Variants in NCOR2 observed in about 807,000 individuals in gnomAD.
NCOR2 encodes the protein nuclear receptor corepressor 2, also known as CTG repeat protein 26.
NCOR2 carries 81 observed loss-of-function variants against 262.9 expected under a neutral mutation model. The observed-to-expected ratio is 0.31, with a 90% CI of 0.26 to 0.37. NCOR2 has a LOEUF of 0.37. Among genes scored for constraint, NCOR2 ranks in the 10% least tolerant of loss-of-function variants. The pLI is 1.00. For missense variants in NCOR2, 3,385 were observed against 3,621.4 expected (o/e 0.93, Z 1.68); for synonymous variants, 1,659 against 1,559.3 (o/e 1.06, Z -1.51).
At chr12:124,353,741 C>A (rs1377811815) in intron 27 of NCOR2, among the ~76,000 whole-genome samples, 2 of 152,264 alleles carry the variant, frequency 1.3e-5, no homozygotes, top group Non-Finnish European at 2.9e-5. Context: ...CTGGCCACAG[C>A]TGACATGTCA....
chr12:124,488,869 C>T (rs1276097884), intron 1 of NCOR2, among the ~76,000 whole-genome samples: 1 of 152,108 alleles, frequency 6.6e-6, no homozygotes, highest in Admixed American at 6.5e-5. Flanking sequence ...GTGGAGGAGG[C>T]CCGAAGTGGG....
chr12:124,472,330 A>G (rs1189083733), intron 4 of NCOR2, among the ~76,000 whole-genome samples: 1 of 152,214 alleles, frequency 6.6e-6, no homozygotes, highest in Admixed American at 6.5e-5. Flanking sequence ...AGTGACAATG[A>G]GGATTTATTT....
intron 11 of NCOR2, among the ~76,000 whole-genome samples, chr12:124,423,520 C>T (rs77514136): frequency 0.052 from 7,981 of 152,306 alleles, 372 homozygotes; most frequent in East Asian, 0.19. Context: ...CCGGTGGAAG[C>T]GGCGCAGTGA....
chr12:124,399,073 GTA>G (rs1458535997), intron 15 of NCOR2, among the ~76,000 whole-genome samples: 2 of 152,170 alleles, frequency 1.3e-5, no homozygotes, highest in African/African-American at 4.8e-5. Flanking sequence ...GCCAGGGGGA[GTA>G]TGTGTCCAAC....
intron 1 of NCOR2, among the ~76,000 whole-genome samples, chr12:124,553,558 A>G (rs1294625122): frequency 6.6e-6 from 1 of 152,202 alleles, no homozygotes; most frequent in Non-Finnish European, 1.5e-5. Context: ...CAGTGCCAGC[A>G]CCTGTACGTG....
exon 47 of NCOR2, chr12:124,325,458 C>T (rs1356203889): frequency 4.6e-6 from 6 of 1,293,174 alleles, no homozygotes; most frequent in South Asian, 3.7e-5. Context: ...TTGGGCTCCT[C>T]GTCCCAGGCG....
At chr12:124,553,775 C>T (rs1287999172) in intron 1 of NCOR2, among the ~76,000 whole-genome samples, 1 of 152,240 alleles carries the variant, frequency 6.6e-6, no homozygotes, top group African/African-American at 2.4e-5. Flanking sequence ...AATCCCCCCA[C>T]TGCTGAAACC....
At chr12:124,452,264 G>T (rs2045593464) in intron 6 of NCOR2, among the ~76,000 whole-genome samples, 1 of 152,224 alleles carries the variant, frequency 6.6e-6, no homozygotes, top group African/African-American at 2.4e-5. Context: ...AATGGCAAGG[G>T]GCCCTGTGAA....
intron 1 of NCOR2, among the ~76,000 whole-genome samples, chr12:124,505,423 G>T (rs2048991646): frequency 6.6e-6 from 1 of 151,628 alleles, no homozygotes; most frequent in South Asian, 2.1e-4. Context: ...ACCTGTAGGA[G>T]CAGGAGCTAT....
exon 25 of NCOR2, chr12:124,354,916 G>T (rs758093486): frequency 6.2e-7 from 1 of 1,613,048 alleles, no homozygotes; most frequent in South Asian, 1.1e-5. Flanking sequence ...CTGAGTACGG[G>T]ACGTGGAGCT....
Position 124,393,508 on chromosome 12 carries a change from G to A in NCOR2, c.1876+4611C>T, listed in dbSNP as rs962410481. 5.3e-5 allele frequency among the ~76,000 whole-genome samples: 8 copies of A among 152,286 alleles called. No individual in the cohort carries two copies. The East Asian group carries it at 1.2e-3, about 22-fold the overall frequency. On this transcript the variant is annotated intron_variant, in intron 16 of 46. Coordinates refer to ENST00000405201, the Ensembl canonical transcript of NCOR2. ...CCCATGCTGGCAAGGCCAGGCTCCCGGTGGCCCCTCTACCTTCTGGGATTC... is the reference window on the plus strand; with the variant it reads ...CCCATGCTGGCAAGGCCAGGCTCCCAGTGGCCCCTCTACCTTCTGGGATTC...
chr12:124,477,614 CTT>C (rs35961182), intron 3 of NCOR2, among the ~76,000 whole-genome samples: 1 of 152,216 alleles, frequency 6.6e-6, no homozygotes, highest in East Asian at 1.9e-4. Flanking sequence ...AATGTGGTTA[CTT>C]TTTTGTGAAC....
chr12:124,387,755 G>A (rs1189756137), intron 16 of NCOR2, among the ~76,000 whole-genome samples: 2 of 152,246 alleles, frequency 1.3e-5, no homozygotes, highest in African/African-American at 4.8e-5. Context: ...AGAACCTGGC[G>A]GACAGGGCCG....
intron 45 of NCOR2, among the ~76,000 whole-genome samples, 172 bp from the exon 48 acceptor site, chr12:124,326,542 G>A (rs1460272661): frequency 6.6e-6 from 1 of 152,190 alleles, no homozygotes; most frequent in African/African-American, 2.4e-5. Flanking sequence ...GGAAGCCAGG[G>A]TTGACCAGAT....
At position 124,495,071 on chromosome 12, in the gene NCOR2, G is replaced by A. The variant is rs771275766; in HGVS notation, c.105+76C>T. 3.5e-5 allele frequency: 54 copies of A among 1,540,224 alleles called. No homozygotes were observed. The highest frequency in any genetic ancestry group is 2.4e-5 in the Non-Finnish European group (27 of 1,137,018). Reference sequence around the variant, plus strand: ...CATGAGCCTGGCTCCCAGGAGAAAGGAAGGGGTGAAGACTCAGTGGAATGG... The same window carrying A: ...CATGAGCCTGGCTCCCAGGAGAAAGAAAGGGGTGAAGACTCAGTGGAATGG... On this transcript the variant is annotated intron_variant, in intron 1 of 46. Transcript: ENST00000405201. The surrounding 1 kb of genome is among the most constrained non-coding windows in gnomAD (Gnocchi z 4.4).
intron 1 of NCOR2, among the ~76,000 whole-genome samples, chr12:124,530,672 C>T (rs1184862529): frequency 6.6e-6 from 1 of 152,188 alleles, no homozygotes; most frequent in Non-Finnish European, 1.5e-5. Flanking sequence ...AGCTAGGTCA[C>T]GTAGGGCACT....
chr12:124,421,816 CCAGGCA>C (rs2043218205), intron 12 of NCOR2, among the ~76,000 whole-genome samples: 4 of 152,266 alleles, frequency 2.6e-5, no homozygotes, highest in Admixed American at 2.6e-4. Context: ...TGCAGCCTCT[CCAGGCA>C]CAGTCCAACC....
At chr12:124,505,523 A>C (rs1566007047) in intron 1 of NCOR2, among the ~76,000 whole-genome samples, 1 of 152,166 alleles carries the variant, frequency 6.6e-6, no homozygotes, top group Non-Finnish European at 1.5e-5. Context: ...TGCCCTCTCA[A>C]CCAAGCCACC....
Position 124,473,139 on chromosome 12 carries a change from A to AG in NCOR2, c.412-9dup, listed in dbSNP as rs1183990186. 6 of 1,613,526 alleles carry AG rather than the reference A, an allele frequency of 3.7e-6. No individual in the cohort carries two copies. The highest frequency in any genetic ancestry group is 1.7e-5 in the Admixed American group (1 of 59,988). On this transcript the variant is annotated splice_polypyrimidine_tract_variant and intron_variant, in intron 3 of 46. Transcript: ENST00000405201. ...GCCCGTCAGGCTACGGTCCTGTGGC[A>AG]GAAAAAAAACGGGCATGGGGTCAGC...
Sources: gnomAD v4.1 joint callset for allele counts (sites outside exome capture counted in the v4.1 genomes callset) on GRCh38, gnomAD v4.1.1 for gene constraint, Gnocchi (gnomAD v3.1) non-coding constraint, MANE v1.5 for transcripts, NCBI Gene and HGNC (gene_info 2026-07-23, HGNC 2026-07-21) for gene names.